The following SPATA6 variants were observed in gnomAD, a reference collection of about 807,000 sequenced individuals.
The protein encoded by SPATA6 is spermatogenesis-associated protein 6.
Under a neutral mutation model 65.3 loss-of-function variants are expected in SPATA6, and 56 were observed. The ratio of observed to expected loss-of-function variants is 0.86; its 90% CI spans 0.69 to 1.07. The LOEUF (loss-of-function observed/expected upper bound fraction) is 1.07. SPATA6 is among the 50% of genes least tolerant of loss of function. The pLI, the probability that SPATA6 is intolerant of heterozygous loss-of-function variation, is 0.00. For missense variants in SPATA6, 590 were observed against 594.8 expected, an observed-to-expected ratio of 0.99 and a Z score of 0.08; for synonymous variants, 199 against 213.2, an observed-to-expected ratio of 0.93 and a Z score of 0.58.
chr1:48,416,095 C>T (rs1277525912), intron 3 of SPATA6, among the ~76,000 whole-genome samples: 5 of 151,958 alleles, frequency 3.3e-5, no homozygotes, highest in Admixed American at 1.3e-4. Context: ...CCCAGCTACT[C>T]GGGAGGCTGA....
chr1:48,340,597 A>T (rs1646187409), intron 11 of SPATA6, among the ~76,000 whole-genome samples: 1 of 151,800 alleles, frequency 6.6e-6, no homozygotes, highest in African/African-American at 2.4e-5. Context: ...AGTTAGAAAT[A>T]AAAAAAGAAC....
intron 11 of SPATA6, among the ~76,000 whole-genome samples, chr1:48,312,866 C>G (rs1378435123): frequency 2.0e-5 from 3 of 152,106 alleles, no homozygotes; most frequent in Non-Finnish European, 2.9e-5. Context: ...CCTGATGGAG[C>G]TGAAAACCAC....
chr1:48,323,557 T>A (rs1645663658), intron 11 of SPATA6, among the ~76,000 whole-genome samples: 1 of 145,802 alleles, frequency 6.9e-6, no homozygotes, highest in Non-Finnish European at 1.5e-5. Flanking sequence ...CCACAGAACT[T>A]AAAGTATAAT....
At chr1:48,435,717 C>G (rs745574314) in intron 3 of SPATA6, among the ~76,000 whole-genome samples, 3 of 152,170 alleles carry the variant, frequency 2.0e-5, no homozygotes, top group African/African-American at 7.2e-5. Context: ...TCCAAGCCCA[C>G]GGCCCCGGTC....
intron 3 of SPATA6, among the ~76,000 whole-genome samples, chr1:48,428,388 T>C (rs113633352): frequency 0.026 from 3,920 of 152,238 alleles, 110 homozygotes; most frequent in African/African-American, 0.071. Flanking sequence ...AGGAGGTGGA[T>C]GTTGCGGTGA....
At chr1:48,355,609 T>C in intron 11 of SPATA6, 61 bp downstream of exon 11, 1 of 1,190,052 alleles carries the variant, frequency 8.4e-7, no homozygotes, top group Non-Finnish European at 1.2e-6. Flanking sequence ...GCTTTAGGCA[T>C]CTTTGGTGGT....
At chr1:48,371,296 T>C (rs1570350074) in intron 9 of SPATA6, among the ~76,000 whole-genome samples, 1 of 152,014 alleles carries the variant, frequency 6.6e-6, no homozygotes. Flanking sequence ...GATAGATAGA[T>C]AGATAGATAG....
chr1:48,430,456 C>T (rs990799471), intron 3 of SPATA6, among the ~76,000 whole-genome samples: 2 of 152,060 alleles, frequency 1.3e-5, no homozygotes, highest in Non-Finnish European at 2.9e-5. Context: ...TACCACTAGA[C>T]CTGTCCTGCA....
chr1:48,292,720 T>C (rs114370354), downstream of SPATA6, among the ~76,000 whole-genome samples: 1,371 of 152,338 alleles, frequency 9.0e-3, 19 homozygotes, highest in African/African-American at 0.031. Context: ...CACGCAGTGG[T>C]GCAAATAAGC....
At chr1:48,423,796 C>G (rs1464967375) in intron 3 of SPATA6, among the ~76,000 whole-genome samples, 1 of 151,982 alleles carries the variant, frequency 6.6e-6, no homozygotes, top group African/African-American at 2.4e-5. Flanking sequence ...ATCCGCCTGC[C>G]TCAGCCTTCC....
chr1:48,471,669 T>A (rs1011668315), intron 1 of SPATA6, among the ~76,000 whole-genome samples: 2 of 152,060 alleles, frequency 1.3e-5, no homozygotes, highest in African/African-American at 2.4e-5. Flanking sequence ...ACTGGAAAGT[T>A]AGGAGCGAGG....
At chr1:48,469,684 A>T (rs1243625577) in intron 1 of SPATA6, among the ~76,000 whole-genome samples, 1 of 152,102 alleles carries the variant, frequency 6.6e-6, no homozygotes, top group Non-Finnish European at 1.5e-5. Flanking sequence ...CAAGAAAGGA[A>T]CTAAAATCAA....
At chr1:48,426,077 T>C (rs928952079) in intron 3 of SPATA6, among the ~76,000 whole-genome samples, 1 of 152,110 alleles carries the variant, frequency 6.6e-6, no homozygotes, top group Admixed American at 6.5e-5. Context: ...TTGAAACATA[T>C]AACTGGCAAA....
At chr1:48,360,588 A>C (rs796287651) in intron 9 of SPATA6, among the ~76,000 whole-genome samples, 5 of 152,266 alleles carry the variant, frequency 3.3e-5, no homozygotes, top group African/African-American at 1.2e-4. Context: ...GAGCCAGTGG[A>C]GCTCGACTGG....
At chr1:48,461,429 A>G (rs1466598292) in intron 1 of SPATA6, among the ~76,000 whole-genome samples, 1 of 152,106 alleles carries the variant, frequency 6.6e-6, no homozygotes, top group Non-Finnish European at 1.5e-5. Flanking sequence ...TATGTCCTGA[A>G]TGGTAATGCC....
intron 11 of SPATA6, among the ~76,000 whole-genome samples, chr1:48,315,919 G>A (rs1211157250): frequency 6.6e-6 from 1 of 152,132 alleles, no homozygotes; most frequent in South Asian, 2.1e-4. Flanking sequence ...CAAATCATGA[G>A]TGAACTCCCA....
the SPATA6 span, among the ~76,000 whole-genome samples, chr1:48,275,311 CCTATTTGAATACCCTTTATTT>C: frequency 1.3e-5 from 2 of 152,184 alleles, no homozygotes; most frequent in African/African-American, 4.8e-5. Context: ...TTCCTCTCTT[CCTATTTGAATACCCTTTATTT>C]CTTTCTCTTG....
intron 3 of SPATA6, among the ~76,000 whole-genome samples, chr1:48,443,587 C>T (rs1016758403): frequency 6.6e-5 from 10 of 152,206 alleles, no homozygotes; most frequent in Non-Finnish European, 1.5e-5. Flanking sequence ...AGGCCTAGAC[C>T]TCCTCACTGC....
At chr1:48,342,746 G>C (rs1388594205) in intron 11 of SPATA6, among the ~76,000 whole-genome samples, 1 of 152,116 alleles carries the variant, frequency 6.6e-6, no homozygotes, top group African/African-American at 2.4e-5. Context: ...GACAATTCTA[G>C]GGTGCTAGTA....
Sources: gnomAD v4.1 joint callset for allele counts (sites outside exome capture counted in the v4.1 genomes callset) on GRCh38, gnomAD v4.1.1 for gene constraint, MANE v1.5 for transcripts, NCBI Gene and HGNC (gene_info 2026-07-23, HGNC 2026-07-21) for gene names.